The following FARP1 variants were observed in gnomAD, a reference collection of about 807,000 sequenced individuals.
The protein encoded by FARP1 is FERM, ARHGEF and pleckstrin domain-containing protein 1.
Under a neutral mutation model 128.8 loss-of-function variants are expected in FARP1, and 52 were observed. The ratio of observed to expected loss-of-function variants is 0.40; its 90% CI spans 0.32 to 0.51. FARP1 has a LOEUF of 0.51. Among genes scored for constraint, FARP1 ranks in the 20% least tolerant of loss-of-function variants. FARP1 has a pLI of 0.45. For missense variants in FARP1, 1,333 were observed against 1,367.9 expected, an observed-to-expected ratio of 0.97 and a Z score of 0.40; for synonymous variants, 580 against 551.8, an observed-to-expected ratio of 1.05 and a Z score of -0.72.
chr13:98,393,897 A>G (rs1470701620), intron 12 of FARP1, among the ~76,000 whole-genome samples, 179 bp downstream of exon 12: 2 of 152,182 alleles, frequency 1.3e-5, no homozygotes, highest in African/African-American at 2.4e-5. Context: ...ATGTGCCGGC[A>G]GCCTGGGCTC....
intron 2 of FARP1, chr13:98,333,548 G>A (rs1388295969): frequency 6.6e-6 from 1 of 152,232 alleles, no homozygotes; most frequent in Admixed American, 6.6e-5. Context: ...CCGTGGTTGT[G>A]TCGTTGCTCC....
In FARP1 at chr13:98,197,321, A is replaced by G. The variant is rs577858789; in HGVS notation, c.-23-15899A>G. On this transcript the variant is annotated intron_variant, in intron 1 of 26. Coordinates refer to ENST00000319562, the MANE Select transcript of FARP1 (RefSeq NM_005766.4). Reference sequence around the variant, plus strand: ...GTCTCTACTAAAAATACAAAATTAGACAGGCTTGGTGGCGCATGCCTGTAA... The same window carrying G: ...GTCTCTACTAAAAATACAAAATTAGGCAGGCTTGGTGGCGCATGCCTGTAA... Among the ~76,000 whole-genome samples, 12 of 151,654 alleles carry G rather than the reference A, an allele frequency of 7.9e-5. No individual in the cohort carries two copies. In the East Asian group the frequency reaches 2.4e-3, roughly 30 times the overall value.
intron 1 of FARP1, among the ~76,000 whole-genome samples, chr13:98,180,412 A>C (rs11620331): frequency 0.15 from 23,339 of 152,140 alleles, 2,357 homozygotes; most frequent in Middle Eastern, 0.24. Flanking sequence ...CCCTACCTCC[A>C]ACACTAACCA....
At chr13:98,230,253 T>A (rs1355222632) in intron 2 of FARP1, among the ~76,000 whole-genome samples, 1 of 152,210 alleles carries the variant, frequency 6.6e-6, no homozygotes, top group Non-Finnish European at 1.5e-5. Flanking sequence ...GAACACATTA[T>A]AGGCTTTAGT....
At chr13:98,353,466 C>T (rs1888518243) in intron 3 of FARP1, among the ~76,000 whole-genome samples, 1 of 152,212 alleles carries the variant, frequency 6.6e-6, no homozygotes, top group Non-Finnish European at 1.5e-5. Context: ...GCAACCTCCG[C>T]CTCCCAGGTT....
At chr13:98,263,550 C>T (rs1376762908) in intron 2 of FARP1, among the ~76,000 whole-genome samples, 2 of 152,056 alleles carry the variant, frequency 1.3e-5, no homozygotes, top group Admixed American at 6.5e-5. Flanking sequence ...TGTAAAATAA[C>T]GAACATAATG....
In FARP1 at chr13:98,439,181, G is replaced by T; in HGVS notation, c.2418G>T (p.Pro806=). 1 of 1,613,074 alleles carries T rather than the reference G, an allele frequency of 6.2e-7. No individual in the cohort carries two copies. The highest frequency in any genetic ancestry group is 8.5e-7 in the Non-Finnish European group (1 of 1,179,326). The change falls in exon 21 of 27, where the codon CCG becomes CCT. Residue 806 remains proline (P), a synonymous_variant. Transcript: ENST00000319562. ...AGTTTAAAGTCCACGGGCAGCTCCC[G>T]CTCTATGGCATGACGGTGAGTACAG... ...SNQFKVHGQL[P]LYGMTIEESE... is the part of the protein sequence containing the mutation.
intron 5 of FARP1, among the ~76,000 whole-genome samples, chr13:98,371,925 C>G (rs1054678325): frequency 2.0e-5 from 3 of 152,082 alleles, no homozygotes; most frequent in African/African-American, 4.8e-5. Flanking sequence ...TTTTGTTAAA[C>G]AAGAAGCTGG....
chr13:98,217,336 G>A (rs113778538), intron 2 of FARP1, among the ~76,000 whole-genome samples: 9 of 152,266 alleles, frequency 5.9e-5, no homozygotes, highest in African/African-American at 1.7e-4. Context: ...AGTGCCTGTC[G>A]AAGGGTTAGA....
chr13:98,374,391 C>T (rs1200023516), intron 5 of FARP1, among the ~76,000 whole-genome samples: 3 of 152,190 alleles, frequency 2.0e-5, no homozygotes, highest in Non-Finnish European at 2.9e-5. Context: ...TACCACTGCA[C>T]TCCAGCCTGG....
chr13:98,415,877 C>A (rs1046541079), intron 16 of FARP1, among the ~76,000 whole-genome samples: 1 of 152,264 alleles, frequency 6.6e-6, no homozygotes, highest in Non-Finnish European at 1.5e-5. Flanking sequence ...GTCACACCCC[C>A]GCCATGGGGC....
chr13:98,143,816 T>A (rs1424974122), intron 1 of FARP1, among the ~76,000 whole-genome samples: 1 of 151,544 alleles, frequency 6.6e-6, no homozygotes, highest in Non-Finnish European at 1.5e-5. Flanking sequence ...CCGGCGCCCT[T>A]CCCCCGTTTC....
chr13:98,326,373 C>T, intron 2 of FARP1, among the ~76,000 whole-genome samples: 1 of 152,338 alleles, frequency 6.6e-6, no homozygotes, highest in South Asian at 2.1e-4. Context: ...AGTTCAGTAG[C>T]TTTTCGTATT....
chr13:98,194,515 G>T (rs1272100459), intron 1 of FARP1, among the ~76,000 whole-genome samples: 7 of 152,146 alleles, frequency 4.6e-5, no homozygotes, highest in African/African-American at 1.7e-4. Flanking sequence ...TTTATATCTT[G>T]TTCAAAGTCA....
At chr13:98,269,465 G>A (rs975015887) in intron 2 of FARP1, among the ~76,000 whole-genome samples, 5 of 152,174 alleles carry the variant, frequency 3.3e-5, no homozygotes, top group Non-Finnish European at 7.3e-5. Flanking sequence ...TTACATTCGT[G>A]TACTGTGTTC....
At chr13:98,226,761 TC>T (rs1291324029) in intron 2 of FARP1, among the ~76,000 whole-genome samples, 2 of 152,088 alleles carry the variant, frequency 1.3e-5, no homozygotes, top group Non-Finnish European at 2.9e-5. Flanking sequence ...AGATGAGAAA[TC>T]CCAGCTGTAT....
chr13:98,334,160 T>C (rs538152847), intron 2 of FARP1: 3 of 152,292 alleles, frequency 2.0e-5, no homozygotes, highest in African/African-American at 7.2e-5. Flanking sequence ...CTTTGGGCAC[T>C]CCGTTGTCCT....
At chr13:98,423,087 G>T (rs1891650521) in intron 16 of FARP1, among the ~76,000 whole-genome samples, 1 of 152,286 alleles carries the variant, frequency 6.6e-6, no homozygotes, top group East Asian at 1.9e-4. Context: ...GATGTAGGCT[G>T]GGCAGCTAGG....
intron 26 of FARP1, chr13:98,447,133 C>A: frequency 3.5e-6 from 1 of 285,944 alleles, no homozygotes; most frequent in Non-Finnish European, 6.6e-6. Context: ...GGTGTAATGG[C>A]AGGGACTGCA....
Sources: gnomAD v4.1 joint callset for allele counts (sites outside exome capture counted in the v4.1 genomes callset) on GRCh38, gnomAD v4.1.1 for gene constraint, MANE v1.5 for transcripts, NCBI Gene and HGNC (gene_info 2026-07-23, HGNC 2026-07-21) for gene names.